Variants in TOP1 observed in about 807,000 individuals in gnomAD.
The protein encoded by TOP1 is DNA topoisomerase 1.
A neutral mutation model predicts 111.1 loss-of-function variants in TOP1; 10 were observed. That is an observed-to-expected ratio of 0.09 (90% CI 0.06 to 0.15). The LOEUF (loss-of-function observed/expected upper bound fraction) is 0.15. Ranked by LOEUF, TOP1 falls within the 10% of genes least tolerant of loss-of-function variation. The pLI is 1.00. For synonymous variants in TOP1, 271 were observed against 302.9 expected (o/e 0.89, Z 1.10); for missense variants, 474 against 926.7 (o/e 0.51, Z 6.34).
rs1240820296 is a variant in TOP1 at position 41,067,169 on chromosome 20, G to C, written c.155+5679G>C. 1.3e-5 allele frequency among the ~76,000 whole-genome samples: 2 copies of C among 152,050 alleles called. No individual in the cohort carries two copies. The highest frequency in any genetic ancestry group is 4.8e-5 in the African/African-American group (2 of 41,376). ...GAGTCTCACTTTGTCACCCAGGCTG[G>C]AGTGCAGTGGTGTGATCTCGGCTCA... On this transcript the variant is annotated intron_variant, in intron 3 of 20. Transcript: ENST00000361337. The surrounding 1 kb of genome is among the most constrained non-coding windows in gnomAD (Gnocchi z 4.0).
intron 13 of TOP1, among the ~76,000 whole-genome samples, chr20:41,105,283 T>C (rs1005366143): frequency 3.3e-5 from 5 of 152,212 alleles, no homozygotes; most frequent in African/African-American, 1.2e-4. Flanking sequence ...TTGTAAACTA[T>C]TGTAAGCTAA....
intron 8 of TOP1, among the ~76,000 whole-genome samples, chr20:41,087,027 A>G (rs2033857380): frequency 6.6e-6 from 1 of 152,172 alleles, no homozygotes; most frequent in Non-Finnish European, 1.5e-5. Context: ...ACTATTCCTT[A>G]TGCTATCCTA....
rs1600608992 is a variant in TOP1, at chr20:41,122,643, C to T, written c.2195+488C>T. Among the ~76,000 whole-genome samples, 1 of 152,324 alleles carries T rather than the reference C, an allele frequency of 6.6e-6. No homozygotes were observed. The highest frequency in any genetic ancestry group is 1.5e-5 in the Non-Finnish European group (1 of 68,032). ...AAATACTAGGTTTCTCTGTGTGTCA[C>T]ACACAGTGTCACATAACATCTGAAA... On this transcript the variant is annotated intron_variant, in intron 20 of 20. Coordinates refer to ENST00000361337, the MANE Select transcript of TOP1 (RefSeq NM_003286.4). The surrounding 1 kb of genome is among the most constrained non-coding windows in gnomAD (Gnocchi z 5.4).
Position 41,029,152 on chromosome 20 carries a change from C to A in TOP1, c.33+52C>A, listed in dbSNP as rs1488634679. The A allele has an allele frequency of 7.3e-7, 1 of 1,370,238 alleles. No individual in the cohort carries two copies. The highest frequency in any genetic ancestry group is 3.2e-5 in the Admixed American group (1 of 31,614). 84.9% of individuals were successfully genotyped at this position (1,370,238 alleles called of 1,614,324 possible). A position where few individuals can be genotyped will look rare whatever the true frequency, so the allele number is the denominator to read the frequency against. On this transcript the variant is annotated intron_variant, in intron 1 of 20. Transcript: ENST00000361337. This position sits in a 1 kb window ranked among gnomAD's most constrained non-coding sequence, Gnocchi z 6.1. ...CCCGGACCCCGGCCTGGCCGTCCCG[C>A]GACCCCCGGCGCAGGCCCCGACCCC...
At chr20:41,075,382 G>A (rs1285310812) in intron 3 of TOP1, among the ~76,000 whole-genome samples, 3 of 152,074 alleles carry the variant, frequency 2.0e-5, no homozygotes, top group Non-Finnish European at 4.4e-5. Flanking sequence ...TGTGTTAGCC[G>A]GGATGGTCTC....
chr20:41,091,682 G>A (rs182116713), intron 8 of TOP1, among the ~76,000 whole-genome samples: 114 of 147,462 alleles, frequency 7.7e-4, no homozygotes, highest in African/African-American at 2.8e-3. Context: ...TCAGCCTCCT[G>A]AGCAGCTGGG....
chr20:41,118,248 G>A lies in TOP1; in HGVS notation c.1902G>A (p.Arg634=). 6.2e-7 allele frequency: 1 copy of A among 1,613,970 alleles called. No individual in the cohort carries two copies. The highest frequency in any genetic ancestry group is 8.5e-7 in the Non-Finnish European group (1 of 1,179,946). ...TTGCAATTCTTTGTAACCATCAGAG[G>A]GCACCACCAAAAACTTTTGAGAAGT... ...RAVAILCNHQ[R]APPKTFEKSM... Residue 634 remains arginine, a synonymous_variant, in exon 18 of 21, where the codon AGG becomes AGA. Transcript: ENST00000361337. The surrounding 1 kb of genome is among the most constrained non-coding windows in gnomAD (Gnocchi z 4.6).
Position 41,098,162 on chromosome 20 carries a change from T to A in TOP1, c.853-53T>A. 7.5e-6 allele frequency: 12 copies of A among 1,589,770 alleles called. No individual in the cohort carries two copies. The highest frequency in any genetic ancestry group is 1.1e-5 in the South Asian group (1 of 90,324). On this transcript the variant is annotated intron_variant, in intron 10 of 20. Coordinates refer to ENST00000361337, the MANE Select transcript of TOP1 (RefSeq NM_003286.4). The surrounding 1 kb of genome is among the most constrained non-coding windows in gnomAD (Gnocchi z 5.7). ...GTATTTGCAAAGAAACCCAAGGACT[T>A]ATTAGTGTATTTTCGTTGTTTTTCT...
chr20:41,111,758 G>C (rs1348356473), intron 13 of TOP1, among the ~76,000 whole-genome samples: 3 of 152,054 alleles, frequency 2.0e-5, no homozygotes, highest in South Asian at 2.1e-4. Context: ...CTTTGTTGCG[G>C]GTGGGGAAAT....
At chr20:41,119,081 T>C (rs2034379310) in intron 18 of TOP1, among the ~76,000 whole-genome samples, 1 of 152,230 alleles carries the variant, frequency 6.6e-6, no homozygotes, top group Non-Finnish European at 1.5e-5. Context: ...TATATTGAAA[T>C]ACAGTTATCA....
chr20:41,112,984 C>G lies in TOP1; in HGVS notation c.1452+59C>G. ...TTGAGCTTAACAAAGGGAGTTTCTG[C>G]TCTGCCCCAGGCCCTGTGCCACATA... is the stretch of plus-strand genomic sequence containing the variant. On this transcript the variant is annotated intron_variant, in intron 14 of 20. Coordinates refer to ENST00000361337, the MANE Select transcript of TOP1 (RefSeq NM_003286.4). The surrounding 1 kb of genome is among the most constrained non-coding windows in gnomAD (Gnocchi z 5.8). The G allele has an allele frequency of 1.3e-6, 2 of 1,571,098 alleles. No homozygotes were observed. Among genetic ancestry groups the G allele is most frequent in the Admixed American group, 3.5e-5 (2 of 56,430 alleles).
At position 41,118,928 on chromosome 20, in the gene TOP1, A is replaced by G. The variant is rs1030219414; in HGVS notation, c.1950+632A>G. On this transcript the variant is annotated intron_variant, in intron 18 of 20. Coordinates refer to ENST00000361337, the MANE Select transcript of TOP1 (RefSeq NM_003286.4). This position sits in a 1 kb window ranked among gnomAD's most constrained non-coding sequence, Gnocchi z 4.6. ...CCGCCTGGTACTGAGCTTTTAAACCATAAGGCACTTAACATTTGATGATGA... is the reference window on the plus strand; with the variant it reads ...CCGCCTGGTACTGAGCTTTTAAACCGTAAGGCACTTAACATTTGATGATGA... Among the ~76,000 whole-genome samples the G allele has an allele frequency of 6.6e-6, 1 of 152,212 alleles. No individual in the cohort carries two copies. The highest frequency in any genetic ancestry group is 1.5e-5 in the Non-Finnish European group (1 of 68,050).
chr20:41,045,585 A>G (rs1380276418), intron 2 of TOP1, among the ~76,000 whole-genome samples: 2 of 152,230 alleles, frequency 1.3e-5, no homozygotes, highest in Admixed American at 1.3e-4. Context: ...GACAAAACAG[A>G]TGAACTTATA....
In TOP1 at chr20:41,113,983, C is replaced by G; in HGVS notation, c.1466C>G (p.Ala489Gly). 1.2e-6 allele frequency: 2 copies of G among 1,613,044 alleles called. No individual in the cohort carries two copies. The highest frequency in any genetic ancestry group is 2.2e-5 in the South Asian group (2 of 91,040). The change falls in exon 15 of 21, where the codon GCA becomes GGA. Residue 489 changes from alanine (A) to glycine (G), a missense_variant. Physicochemically the swap from Ala to Gly is moderately conservative, Grantham distance 60. Coordinates refer to ENST00000361337, the MANE Select transcript of TOP1 (RefSeq NM_003286.4). ...LYFIDKLALR[A>G]GNEKEEGETA... ...TTTCCTGGGCAGCTTGCTCTGAGAG[C>G]AGGCAATGAAAAGGAGGAAGGAGAA...
chr20:41,101,500 A>G lies in TOP1; in HGVS notation c.1308+147A>G, dbSNP rs2034063926. On this transcript the variant is annotated intron_variant, in intron 13 of 20. Transcript: ENST00000361337. The surrounding 1 kb of genome is among the most constrained non-coding windows in gnomAD (Gnocchi z 4.1). ...GGCAAGTACTTTCATAGTTAGCATTATGGTGATCTTCCTACAGTGCCTCCA... is the reference window on the plus strand; with the variant it reads ...GGCAAGTACTTTCATAGTTAGCATTGTGGTGATCTTCCTACAGTGCCTCCA... The G allele has an allele frequency of 3.5e-6, 3 of 861,164 alleles. No homozygotes were observed. The South Asian group carries it at 5.9e-5, about 17-fold the overall frequency. 53.3% of individuals were successfully genotyped at this position (861,164 alleles called of 1,614,324 possible).
chr20:41,076,204 G>C lies in TOP1; in HGVS notation c.189G>C (p.Glu63Asp). Residue 63 changes from glutamate (E) to aspartate (D), a missense_variant, in exon 4 of 21, where the codon GAG becomes GAC. By Grantham distance (45) the Glu-to-Asp change is conservative. Transcript: ENST00000361337. ...AAGATTCTGAAAAGAAACACAAAGA[G>C]AAGGAGAAGACCAAACACAAAGATG... ...EHKDSEKKHKEKEKTKHKDGS... is the reference protein window; with the variant it reads ...EHKDSEKKHKDKEKTKHKDGS... 2 of 1,605,972 alleles carry C rather than the reference G, an allele frequency of 1.2e-6. No individual in the cohort carries two copies. The highest frequency in any genetic ancestry group is 1.7e-6 in the Non-Finnish European group (2 of 1,173,082).
intron 2 of TOP1, among the ~76,000 whole-genome samples, chr20:41,045,712 A>G (rs1213781371): frequency 6.6e-6 from 1 of 152,236 alleles, no homozygotes; most frequent in African/African-American, 2.4e-5. Context: ...ATTTATTTCT[A>G]TTTGTTAAAT....
In TOP1 at chr20:41,030,511, C is replaced by A. The variant is rs1296955054; in HGVS notation, c.58+1056C>A. Among the ~76,000 whole-genome samples, 1 of 150,840 alleles carries A rather than the reference C, an allele frequency of 6.6e-6. No individual in the cohort carries two copies. Among genetic ancestry groups the A allele is most frequent in the Admixed American group, 6.6e-5 (1 of 15,164 alleles). ...TTTCCCAATTCTTTATGTTTTTGAA[C>A]CCTTTTCAGCCAAATCAAGGCATTT... is the stretch of plus-strand genomic sequence containing the variant. On this transcript the variant is annotated intron_variant, in intron 2 of 20. Coordinates refer to ENST00000361337, the MANE Select transcript of TOP1 (RefSeq NM_003286.4). This position sits in a 1 kb window ranked among gnomAD's most constrained non-coding sequence, Gnocchi z 4.1.
In TOP1 at chr20:41,069,002, G is replaced by T. The variant is rs567407823; in HGVS notation, c.156-7169G>T. ...AGTGACAAATTTGTGGAAAGCAAGG[G>T]AAGACAGAAAACTGCTGTAAAATAG... On this transcript the variant is annotated intron_variant, in intron 3 of 20. Coordinates refer to ENST00000361337, the MANE Select transcript of TOP1 (RefSeq NM_003286.4). This position sits in a 1 kb window ranked among gnomAD's most constrained non-coding sequence, Gnocchi z 4.1. Among the ~76,000 whole-genome samples the T allele has an allele frequency of 2.0e-5, 3 of 152,300 alleles. No individual in the cohort carries two copies. In the South Asian group the frequency reaches 6.2e-4, roughly 32 times the overall value.
Sources: gnomAD v4.1 joint callset for allele counts (sites outside exome capture counted in the v4.1 genomes callset) on GRCh38, gnomAD v4.1.1 for gene constraint, Gnocchi (gnomAD v3.1) non-coding constraint, MANE v1.5 for transcripts, NCBI Gene and HGNC (gene_info 2026-07-23, HGNC 2026-07-21) for gene names.